Variants in DSE observed in about 807,000 individuals in gnomAD.
The protein encoded by DSE is dermatan sulfate epimerase, also known as dermatan-sulfate epimerase.
In DSE, 36 loss-of-function variants were observed where a neutral mutation model predicts 84.4. That is an observed-to-expected ratio of 0.43 (90% CI 0.33 to 0.56). The LOEUF is 0.56. Among genes scored for constraint, DSE ranks in the 20% least tolerant of loss-of-function variants. The probability of loss-of-function intolerance (pLI) is 0.06; values close to 1 mark genes in which losing one functional copy is unlikely to be tolerated. For missense variants in DSE, 862 were observed against 1,169.6 expected (o/e 0.74, Z 3.84); for synonymous variants, 410 against 430.1 (o/e 0.95, Z 0.58).
intron 2 of DSE, chr6:116,259,339 C>G: frequency 2.2e-6 from 1 of 446,610 alleles, no homozygotes; most frequent in South Asian, 2.5e-5. Flanking sequence ...TATGAAACTA[C>G]TGATGCAACT....
chr6:116,258,321 T>C (rs891863448), intron 1 of DSE: 3 of 494,784 alleles, frequency 6.1e-6, no homozygotes, highest in Non-Finnish European at 1.1e-5. Context: ...TGGCCAGATA[T>C]TTCTTTTTAT....
intron 2 of DSE, among the ~76,000 whole-genome samples, chr6:116,410,355 G>C (rs35877564): frequency 0.26 from 39,122 of 151,908 alleles, 6,126 homozygotes; most frequent in Middle Eastern, 0.37. Flanking sequence ...ATGTCCTTGT[G>C]TTCCCTTATA....
At chr6:116,273,850 G>A (rs890260745) in intron 2 of DSE, among the ~76,000 whole-genome samples, 2 of 59,266 alleles carry the variant, frequency 3.4e-5, no homozygotes, top group Admixed American at 1.5e-4. Flanking sequence ...TTTTTTTTTT[G>A]AGACGAAGTC....
chr6:116,377,246 C>T (rs1442452113), intron 1 of DSE, among the ~76,000 whole-genome samples: 1 of 152,120 alleles, frequency 6.6e-6, no homozygotes, highest in Non-Finnish European at 1.5e-5. Context: ...GCATTTAATG[C>T]GTACAAACAT....
chr6:116,357,130 T>G (rs1778620326), intron 2 of DSE, among the ~76,000 whole-genome samples: 1 of 152,180 alleles, frequency 6.6e-6, no homozygotes, highest in Admixed American at 6.5e-5. Context: ...AACATTCTGG[T>G]TTTCTCTGGC....
intron 1 of DSE, among the ~76,000 whole-genome samples, chr6:116,398,774 C>T (rs1243842934): frequency 6.6e-6 from 1 of 152,192 alleles, no homozygotes; most frequent in Non-Finnish European, 1.5e-5. Flanking sequence ...GTAAGAAATA[C>T]AGGATTTTCT....
intron 2 of DSE, chr6:116,279,035 C>T: frequency 6.2e-7 from 1 of 1,613,686 alleles, no homozygotes; most frequent in Non-Finnish European, 8.5e-7. Context: ...TTCCTCCGCT[C>T]CAGGTAGTGT....
intron 2 of DSE, among the ~76,000 whole-genome samples, chr6:116,420,787 G>A (rs1783022120): frequency 6.6e-6 from 1 of 152,104 alleles, no homozygotes; most frequent in South Asian, 2.1e-4. Context: ...AAAAATAGAA[G>A]CATTTAATCA....
intron 2 of DSE, among the ~76,000 whole-genome samples, chr6:116,328,962 T>G (rs910867256): frequency 3.9e-5 from 6 of 152,202 alleles, no homozygotes; most frequent in Admixed American, 2.6e-4. Context: ...CAGTTCTGCT[T>G]ACTACGCCTG....
intron 2 of DSE, among the ~76,000 whole-genome samples, chr6:116,301,628 G>A (rs553761168): frequency 6.6e-6 from 1 of 152,148 alleles, no homozygotes; most frequent in Admixed American, 6.5e-5. Context: ...AGTACTCTTA[G>A]GATAAAAACC....
At chr6:116,274,238 T>C (rs1773012102) in intron 2 of DSE, among the ~76,000 whole-genome samples, 1 of 152,144 alleles carries the variant, frequency 6.6e-6, no homozygotes, top group Non-Finnish European at 1.5e-5. Flanking sequence ...GAAAATATTT[T>C]CTGAACATCA....
chr6:116,420,968 A>G (rs1455246483), intron 2 of DSE, among the ~76,000 whole-genome samples: 1 of 152,220 alleles, frequency 6.6e-6, no homozygotes, highest in Non-Finnish European at 1.5e-5. Context: ...ATGATAATAG[A>G]AGCAGTCTAT....
intron 2 of DSE, among the ~76,000 whole-genome samples, chr6:116,405,353 C>T (rs1781854330): frequency 6.6e-6 from 1 of 152,178 alleles, no homozygotes; most frequent in African/African-American, 2.4e-5. Context: ...AGGTTTTCTT[C>T]TCATGACCTT....
chr6:116,317,456 A>G (rs12203516), intron 2 of DSE, among the ~76,000 whole-genome samples: 35,711 of 152,208 alleles, frequency 0.23, 5,625 homozygotes, highest in Non-Finnish European at 0.36. Context: ...ATTTCTCTTT[A>G]CACATTCTTT....
At position 116,435,839 on chromosome 6, in the gene DSE, A is replaced by G. The variant is rs1784113517; in HGVS notation, c.1371A>G (p.Ser457=). 4 of 1,614,126 alleles carry G rather than the reference A, an allele frequency of 2.5e-6. No individual in the cohort carries two copies. Among genetic ancestry groups the G allele is most frequent in the Non-Finnish European group, 3.4e-6 (4 of 1,180,002 alleles). ...GGCATGAACATCCTGATCAAAACTC[A>G]TTTACTTTTGCTCCCAATGGTGTGC... The part of the protein sequence containing the change: ...NAGHEHPDQN[S]FTFAPNGVPF... Residue 457 remains serine (S), a synonymous_variant, in exon 6 of 6, where the codon TCA becomes TCG. Transcript: ENST00000644252.
intron 2 of DSE, among the ~76,000 whole-genome samples, chr6:116,346,161 C>T (rs1304253806): frequency 5.3e-5 from 8 of 152,154 alleles, no homozygotes; most frequent in Non-Finnish European, 1.2e-4. Context: ...CAGGACCAGA[C>T]AGATTCACAG....
At chr6:116,409,546 TG>T (rs1782176454) in intron 2 of DSE, among the ~76,000 whole-genome samples, 1 of 152,218 alleles carries the variant, frequency 6.6e-6, no homozygotes, top group Non-Finnish European at 1.5e-5. Flanking sequence ...CCCAAAGTGC[TG>T]GGATTACAGG....
At chr6:116,334,738 A>G (rs1777141638) in intron 2 of DSE, among the ~76,000 whole-genome samples, 1 of 152,248 alleles carries the variant, frequency 6.6e-6, no homozygotes. Context: ...AAGTTGGCAA[A>G]GGATATGAAC....
intron 2 of DSE, among the ~76,000 whole-genome samples, chr6:116,297,276 T>G (rs1774730295): frequency 6.6e-6 from 1 of 152,066 alleles, no homozygotes; most frequent in South Asian, 2.1e-4. Context: ...CATTCCAGCT[T>G]CCTCTCCTCT....
Sources: gnomAD v4.1 joint callset for allele counts (sites outside exome capture counted in the v4.1 genomes callset) on GRCh38, gnomAD v4.1.1 for gene constraint, MANE v1.5 for transcripts, NCBI Gene and HGNC (gene_info 2026-07-23, HGNC 2026-07-21) for gene names.